NVL: variants seen among roughly 807,000 people sequenced by gnomAD.
NVL encodes nuclear VCP like.
NVL carries 84 observed loss-of-function variants against 110.2 expected under a neutral mutation model. That is an observed-to-expected ratio of 0.76 (90% CI 0.64 to 0.91). The LOEUF (loss-of-function observed/expected upper bound fraction) is 0.91, where lower values mean the gene tolerates loss of function less well. Among genes scored for constraint, NVL ranks in the 40% least tolerant of loss-of-function variants. The pLI, the probability that NVL is intolerant of heterozygous loss-of-function variation, is 0.00. For missense variants in NVL, 882 were observed against 1,035.9 expected, an observed-to-expected ratio of 0.85 and a Z score of 2.04; for synonymous variants, 354 against 361.1, an observed-to-expected ratio of 0.98 and a Z score of 0.22.
rs1229868479 is a variant in NVL at position 224,254,570 on chromosome 1, T to TG, written c.2183-4253_2183-4252insC. On this transcript the variant is annotated intron_variant, in intron 18 of 22. Transcript: ENST00000281701. ...ACCATGCCCGGCTAATTTGTTTTTT[T>TG]TGTTTTTTTTTTTTTTGTATTTTTA... 6.1e-3 allele frequency among the ~76,000 whole-genome samples: 333 copies of TG among 54,944 alleles called. 3 individuals are homozygous for TG. Among genetic ancestry groups the TG allele is most frequent in the African/African-American group, 9.8e-3 (270 of 27,442 alleles). The allele number at this position is 54,944 out of a possible 152,430, so 36.0% of individuals were successfully genotyped here.
chr1:224,283,344 G>A (rs1181941160), intron 15 of NVL, among the ~76,000 whole-genome samples: 2 of 152,248 alleles, frequency 1.3e-5, no homozygotes, highest in Non-Finnish European at 2.9e-5. Context: ...AAAATTAGCT[G>A]GGCATGGTGG....
intron 18 of NVL, among the ~76,000 whole-genome samples, chr1:224,262,163 G>A (rs1270256929): frequency 2.0e-5 from 3 of 152,000 alleles, no homozygotes; most frequent in Admixed American, 6.6e-5. Flanking sequence ...GAGGGTTTAA[G>A]ATCCAAGTGC....
At chr1:224,237,602 G>A (rs1571773601) in intron 19 of NVL, among the ~76,000 whole-genome samples, 1 of 152,106 alleles carries the variant, frequency 6.6e-6, no homozygotes, top group Non-Finnish European at 1.5e-5. Context: ...CTTCCCTCCA[G>A]GGTATTGCTC....
chr1:224,302,362 G>A lies in NVL; in HGVS notation c.960+1361C>T, dbSNP rs189744468. Reference sequence around the variant, plus strand: ...ATTGCAGGCATGCGCCACCACACCCGGCTAATTTTGTATTTTTAGTAGAGA... The same window carrying A: ...ATTGCAGGCATGCGCCACCACACCCAGCTAATTTTGTATTTTTAGTAGAGA... On this transcript the variant is annotated intron_variant, in intron 9 of 22. Transcript: ENST00000281701. Among the ~76,000 whole-genome samples the A allele has an allele frequency of 7.2e-5, 11 of 152,124 alleles. No individual in the cohort carries two copies. In the South Asian group the frequency reaches 1.0e-3, roughly 14 times the overall value.
At chr1:224,235,231 G>C (rs549125012) in intron 20 of NVL, among the ~76,000 whole-genome samples, 1 of 152,150 alleles carries the variant, frequency 6.6e-6, no homozygotes, top group South Asian at 2.1e-4. Flanking sequence ...GCAGTGACAC[G>C]ATCTCAGCTC....
At chr1:224,257,044 T>A in intron 18 of NVL, 2 of 530,672 alleles carry the variant, frequency 3.8e-6, no homozygotes, top group Non-Finnish European at 3.9e-6. Flanking sequence ...TCTTTTTTTT[T>A]CCTTTTGCCC....
intron 20 of NVL, among the ~76,000 whole-genome samples, chr1:224,234,005 G>A (rs887157877): frequency 2.0e-5 from 3 of 152,102 alleles, no homozygotes; most frequent in Non-Finnish European, 4.4e-5. Flanking sequence ...TAGTGAGCCT[G>A]GGTGACAGAG....
chr1:224,253,798 T>C (rs1662825415), intron 18 of NVL, among the ~76,000 whole-genome samples: 1 of 151,624 alleles, frequency 6.6e-6, no homozygotes, highest in African/African-American at 2.4e-5. Flanking sequence ...ACTTGTACCA[T>C]TACATTCCCA....
At chr1:224,274,035 AAC>A (rs1224878158) in intron 17 of NVL, among the ~76,000 whole-genome samples, 1 of 145,540 alleles carries the variant, frequency 6.9e-6, no homozygotes, top group Non-Finnish European at 1.5e-5. Context: ...ATGACCTAAC[AAC>A]ACACACACAC....
intron 7 of NVL, 67 bp downstream of exon 7, chr1:224,304,967 T>C: frequency 1.0e-5 from 16 of 1,589,502 alleles, no homozygotes; most frequent in South Asian, 2.3e-5. Flanking sequence ...GCAAAATAGC[T>C]TGGGACAGAA....
intron 8 of NVL, 51 bp downstream of exon 8, chr1:224,304,685 A>G: frequency 6.9e-7 from 1 of 1,443,054 alleles, no homozygotes; most frequent in Non-Finnish European, 9.7e-7. Context: ...TTTTCCTCAT[A>G]ACTGATTAGT....
chr1:224,307,876 A>AT lies in NVL; in HGVS notation c.615+114dup. The AT allele has an allele frequency of 5.4e-6, 5 of 921,536 alleles. No homozygotes were observed. In the South Asian group the frequency reaches 1.1e-4, roughly 21 times the overall value. The allele number at this position is 921,536 out of a possible 1,614,324, so 57.1% of individuals were successfully genotyped here. A position where few individuals can be genotyped will look rare whatever the true frequency, so the allele number is the denominator to read the frequency against. On this transcript the variant is annotated intron_variant, in intron 6 of 22. Coordinates refer to ENST00000281701, the MANE Select transcript of NVL (RefSeq NM_002533.4). ...TGCAATGTGATCAAATTCTCCATATATTTTAAAGTTCCTATGCCTTCCACA... is the reference window on the plus strand; with the variant it reads ...TGCAATGTGATCAAATTCTCCATATATTTTTAAAGTTCCTATGCCTTCCACA...
chr1:224,308,116 T>G lies in NVL; in HGVS notation c.490A>C (p.Thr164Pro). ...CCTCCTTCAGAATCTTTGGCAGGGG[T>G]CTTCAAGGGAATGGAGCCTGTTTTG... is the stretch of plus-strand genomic sequence containing the variant. ...SSKTGSIPLK[T>P]PAKDSEGGWF... The change falls in exon 6 of 23, where the codon ACC (threonine) becomes CCC (proline). Residue 164 changes from threonine to proline, a missense_variant. Physicochemically the swap from Thr to Pro is conservative, Grantham distance 38. Coordinates refer to ENST00000281701, the MANE Select transcript of NVL (RefSeq NM_002533.4). 6.2e-7 allele frequency: 1 copy of G among 1,613,788 alleles called. No individual in the cohort carries two copies. Among genetic ancestry groups the G allele is most frequent in the Non-Finnish European group, 8.5e-7 (1 of 1,179,906 alleles).
intron 2 of NVL, among the ~76,000 whole-genome samples, chr1:224,323,885 T>C (rs1356236467): frequency 6.6e-6 from 1 of 152,230 alleles, no homozygotes; most frequent in Non-Finnish European, 1.5e-5. Context: ...TTGGGACCCA[T>C]GACCCTTTCT....
intron 6 of NVL, among the ~76,000 whole-genome samples, chr1:224,306,839 CA>C (rs982336640): frequency 2.0e-5 from 3 of 151,706 alleles, no homozygotes; most frequent in Non-Finnish European, 2.9e-5. Flanking sequence ...TGTCTCAAAC[CA>C]AAAAAAGTAT....
intron 10 of NVL, among the ~76,000 whole-genome samples, chr1:224,299,730 T>C (rs1668214978): frequency 6.6e-6 from 1 of 152,206 alleles, no homozygotes; most frequent in Non-Finnish European, 1.5e-5. Flanking sequence ...CTCTGCCCTT[T>C]CCACCTTTTT....
intron 16 of NVL, 44 bp downstream of exon 16, chr1:224,281,079 T>C (rs759316575): frequency 6.6e-6 from 10 of 1,522,810 alleles, no homozygotes; most frequent in Middle Eastern, 1.7e-4. Context: ...GCATGACCAT[T>C]ACTTTTTCTA....
chr1:224,289,847 C>T (rs1039486896), intron 12 of NVL, 114 bp from the exon 13 acceptor site: 3 of 927,186 alleles, frequency 3.2e-6, no homozygotes, highest in Non-Finnish European at 4.7e-6. Flanking sequence ...AAAATGGATA[C>T]TATATAAGAT....
At chr1:224,253,664 C>T (rs1352615195) in intron 18 of NVL, among the ~76,000 whole-genome samples, 10 of 136,718 alleles carry the variant, frequency 7.3e-5, no homozygotes, top group Admixed American at 6.9e-4. Context: ...ACTCAGGAGG[C>T]GGAGGTTGCA....
Sources: gnomAD v4.1 joint callset for allele counts (sites outside exome capture counted in the v4.1 genomes callset) on GRCh38, gnomAD v4.1.1 for gene constraint, MANE v1.5 for transcripts, NCBI Gene and HGNC (gene_info 2026-07-23, HGNC 2026-07-21) for gene names.